The following TBC1D21 variants were observed in gnomAD, a reference collection of about 807,000 sequenced individuals.
The protein encoded by TBC1D21 is TBC1 domain family member 21, also known as male germ cell Rab GTPase-activating protein.
TBC1D21 carries 38 observed loss-of-function variants against 46.0 expected under a neutral mutation model. The ratio of observed to expected loss-of-function variants is 0.83; its 90% CI spans 0.64 to 1.08. TBC1D21 has a LOEUF of 1.08. Among genes scored for constraint, TBC1D21 ranks in the 50% least tolerant of loss-of-function variants. The pLI is 0.00. For synonymous variants in TBC1D21, 151 were observed against 157.2 expected, an observed-to-expected ratio of 0.96 and a Z score of 0.29; for missense variants, 415 against 417.9, an observed-to-expected ratio of 0.99 and a Z score of 0.06.
chr15:73,888,596 C>T (rs2068299227), intron 10 of TBC1D21, 83 bp downstream of exon 10: 1 of 915,528 alleles, frequency 1.1e-6, no homozygotes, highest in South Asian at 1.5e-5. Flanking sequence ...TCCTCCTCCT[C>T]CTCCTCCTCT....
Position 73,873,754 on chromosome 15 carries a change from A to G in TBC1D21, c.45A>G (p.Ser15=). 1 of 1,610,564 alleles carries G rather than the reference A, an allele frequency of 6.2e-7. No individual in the cohort carries two copies. The highest frequency in any genetic ancestry group is 8.5e-7 in the Non-Finnish European group (1 of 1,178,136). Residue 15 remains serine, a synonymous_variant, in exon 1 of 11, where the codon TCA becomes TCG. Coordinates refer to ENST00000300504, the MANE Select transcript of TBC1D21 (RefSeq NM_153356.3). ...AAAACAGCCTCTCTGCCAGACAGTC[A>G]GCCTCCTTCATCCTGGTGCGTGTTC... The part of the protein sequence containing the change: ...SPENSLSARQ[S]ASFILVKRKP...
At chr15:73,887,372 T>C (rs2068267108) in intron 8 of TBC1D21, among the ~76,000 whole-genome samples, 1 of 152,112 alleles carries the variant, frequency 6.6e-6, no homozygotes, top group Non-Finnish European at 1.5e-5. Flanking sequence ...TCTAATGAAT[T>C]CCCTGAAGCC....
intron 1 of TBC1D21, among the ~76,000 whole-genome samples, chr15:73,879,690 T>C (rs190568601): frequency 6.6e-6 from 1 of 152,324 alleles, no homozygotes; most frequent in Non-Finnish European, 1.5e-5. Context: ...TAATTTTGAG[T>C]CACATATTCA....
Position 73,884,999 on chromosome 15 carries a change from A to G in TBC1D21, c.479-4A>G. 9.0e-7 allele frequency: 1 copy of G among 1,113,590 alleles called. No homozygotes were observed. The highest frequency in any genetic ancestry group is 1.2e-5 in the South Asian group (1 of 81,590). 69.0% of individuals were successfully genotyped at this position (1,113,590 alleles called of 1,614,324 possible). A position where few individuals can be genotyped will look rare whatever the true frequency, so the allele number is the denominator to read the frequency against. ...CCTCCTCCCCAACCCCCTCTTCGCC[A>G]CAGAGTACCAGCAGGGCTTCCATGA... is the stretch of plus-strand genomic sequence containing the variant. On this transcript the variant is annotated splice_region_variant and splice_polypyrimidine_tract_variant and intron_variant, in intron 5 of 10. Coordinates refer to ENST00000300504, the MANE Select transcript of TBC1D21 (RefSeq NM_153356.3).
intron 4 of TBC1D21, 59 bp from the exon 5 acceptor site, chr15:73,884,722 C>A: frequency 1.6e-6 from 2 of 1,258,220 alleles, no homozygotes; most frequent in Non-Finnish European, 1.2e-6. Flanking sequence ...AAGAAATTCA[C>A]CCATAGACCT....
At chr15:73,876,280 T>C (rs1022338302) in intron 1 of TBC1D21, among the ~76,000 whole-genome samples, 1 of 130,812 alleles carries the variant, frequency 7.6e-6, no homozygotes, top group African/African-American at 2.8e-5. Context: ...CAGGCTGGAG[T>C]GCAGTGGTGC....
At chr15:73,897,895 C>T in the TBC1D21 span, among the ~76,000 whole-genome samples, 1 of 152,210 alleles carries the variant, frequency 6.6e-6, no homozygotes, top group Non-Finnish European at 1.5e-5. Flanking sequence ...CCCTAGGACC[C>T]TGTGAGCAGG....
chr15:73,891,622 C>G (rs1295158406), downstream of TBC1D21, among the ~76,000 whole-genome samples: 1 of 152,236 alleles, frequency 6.6e-6, no homozygotes, highest in East Asian at 1.9e-4. Context: ...CATGCCCTCA[C>G]AGGCTCAGAA....
downstream of TBC1D21, among the ~76,000 whole-genome samples, chr15:73,892,261 A>C (rs542063651): frequency 7.9e-5 from 12 of 152,214 alleles, no homozygotes; most frequent in East Asian, 2.3e-3. Flanking sequence ...TTGTCCACAT[A>C]CCTCATTCTT....
chr15:73,888,718 T>C (rs2068304839), intron 10 of TBC1D21, among the ~76,000 whole-genome samples: 1 of 149,612 alleles, frequency 6.7e-6, no homozygotes, highest in Non-Finnish European at 1.5e-5. Context: ...TTCTTCCTTC[T>C]CCTCCTCCTC....
rs28470395 is a variant in TBC1D21, at chr15:73,882,796, A to G, written c.272+1049A>G. On this transcript the variant is annotated intron_variant, in intron 3 of 10. Transcript: ENST00000300504. ...GTAAGGCACCTTGCACAGGGGAGGA[A>G]TCAGTAGCTTTTATGATTTTGATGG... Among the ~76,000 whole-genome samples, 898 of 152,302 alleles carry G rather than the reference A, an allele frequency of 5.9e-3. 7 individuals are homozygous for G. The highest frequency in any genetic ancestry group is 0.021 in the African/African-American group (856 of 41,580).
intron 1 of TBC1D21, among the ~76,000 whole-genome samples, chr15:73,879,071 T>C (rs1442507692): frequency 6.6e-6 from 1 of 152,228 alleles, no homozygotes; most frequent in East Asian, 1.9e-4. Context: ...TTGGTTCAGA[T>C]GACAGGGCAT....
chr15:73,898,860 T>C, the TBC1D21 span, among the ~76,000 whole-genome samples: 4 of 7,056 alleles, frequency 5.7e-4, 1 homozygote, highest in East Asian at 0.034. Flanking sequence ...TGAGACTCCA[T>C]CTCAAAAAAA....
rs1397158557 is a variant in TBC1D21 at position 73,886,256 on chromosome 15, C to A, written c.676+82C>A. ...TGGGACCCAACTGTCAGTCCCTAAT[C>A]ATGGGGGGGCTGGAGAGCAGCAGAA... On this transcript the variant is annotated intron_variant, in intron 7 of 10. Coordinates refer to ENST00000300504, the MANE Select transcript of TBC1D21 (RefSeq NM_153356.3). 17 of 1,267,734 alleles carry A rather than the reference C, an allele frequency of 1.3e-5. No individual in the cohort carries two copies. The East Asian group carries it at 3.8e-4, about 28-fold the overall frequency. 78.5% of individuals were successfully genotyped at this position (1,267,734 alleles called of 1,614,324 possible).
At position 73,873,816 on chromosome 15, in the gene TBC1D21, G is replaced by C. The variant is rs145004157; in HGVS notation, c.60+47G>C. 1.9e-6 allele frequency: 3 copies of C among 1,586,148 alleles called. No individual in the cohort carries two copies. In the Admixed American group the frequency reaches 5.2e-5, roughly 27 times the overall value. ...TGAGTGCCTCCCTCCCCAGCCTCTG[G>C]TTGGCACTGGGACCATTTTCCCCTG... On this transcript the variant is annotated intron_variant, in intron 1 of 10. Transcript: ENST00000300504.
At chr15:73,884,962 T>TGCCCCCC in intron 5 of TBC1D21, 41 bp from the exon 6 acceptor site, 1 of 1,593,054 alleles carries the variant, frequency 6.3e-7, no homozygotes. Flanking sequence ...GTCCAGGCTC[T>TGCCCCCC]CCCACCCAGC....
At position 73,877,902 on chromosome 15, in the gene TBC1D21, G is replaced by A. The variant is rs2068094412; in HGVS notation, c.61-3497G>A. On this transcript the variant is annotated intron_variant, in intron 1 of 10. Transcript: ENST00000300504. ...TAAAAACTCTCAGCATGCTAGAACT[G>A]GAAGGGACTGTCTTCAACCTGATAA... 1.3e-5 allele frequency among the ~76,000 whole-genome samples: 2 copies of A among 151,872 alleles called. 1 individual carries two copies. Among genetic ancestry groups the A allele is most frequent in the South Asian group, 4.2e-4 (2 of 4,792 alleles).
At chr15:73,895,355 C>A in the TBC1D21 span, among the ~76,000 whole-genome samples, 2 of 152,176 alleles carry the variant, frequency 1.3e-5, no homozygotes, top group Non-Finnish European at 2.9e-5. Context: ...TCTCCGCAGT[C>A]GATCTCCTGT....
chr15:73,890,841 C>G (rs1423427517), downstream of TBC1D21, among the ~76,000 whole-genome samples: 1 of 152,116 alleles, frequency 6.6e-6, no homozygotes, highest in Non-Finnish European at 1.5e-5. Flanking sequence ...AGTTTGGGTG[C>G]AGATCCCAGA....
Sources: allele counts gnomAD v4.1 joint callset (sites outside exome capture counted in the v4.1 genomes callset), GRCh38; gene constraint gnomAD v4.1.1; transcripts MANE v1.5; gene names NCBI Gene and HGNC (gene_info 2026-07-23, HGNC 2026-07-21).